Variants in TMEM163 observed in about 807,000 individuals in gnomAD.
TMEM163 encodes transmembrane protein 163.
A neutral mutation model predicts 29.3 loss-of-function variants in TMEM163; 17 were observed. The ratio of observed to expected loss-of-function variants is 0.58; its 90% CI spans 0.40 to 0.87. The LOEUF is 0.87. Ranked by LOEUF, TMEM163 falls within the 40% of genes least tolerant of loss-of-function variation. The pLI, the probability that TMEM163 is intolerant of heterozygous loss-of-function variation, is 0.00. For missense variants in TMEM163, 303 were observed against 381.5 expected (o/e 0.79, Z 1.71); for synonymous variants, 157 against 160.6 (o/e 0.98, Z 0.17).
chr2:134,610,848 G>C (rs1187047510), intron 2 of TMEM163, among the ~76,000 whole-genome samples: 1 of 152,150 alleles, frequency 6.6e-6, no homozygotes. Flanking sequence ...ATGTGAGTGT[G>C]GGGGTAGAGC....
chr2:134,618,638 T>A (rs1682663585), intron 2 of TMEM163, among the ~76,000 whole-genome samples: 1 of 151,972 alleles, frequency 6.6e-6, no homozygotes, highest in African/African-American at 2.4e-5. Flanking sequence ...AAAACAAGTC[T>A]CAATAAATTT....
intron 1 of TMEM163, among the ~76,000 whole-genome samples, chr2:134,717,931 G>A (rs1395996095): frequency 1.3e-5 from 2 of 152,224 alleles, no homozygotes; most frequent in Non-Finnish European, 2.9e-5. Flanking sequence ...ACTCAAGGGG[G>A]CATCGGCAGT....
intron 5 of TMEM163, among the ~76,000 whole-genome samples, chr2:134,480,856 G>T (rs967088718): frequency 2.6e-5 from 4 of 152,128 alleles, no homozygotes; most frequent in African/African-American, 4.8e-5. Flanking sequence ...CTTTTTTATT[G>T]AGGTGTAATT....
At chr2:134,539,180 T>G (rs1167120781) in intron 4 of TMEM163, among the ~76,000 whole-genome samples, 1 of 152,144 alleles carries the variant, frequency 6.6e-6, no homozygotes, top group East Asian at 1.9e-4. Flanking sequence ...ACTCAAGGAT[T>G]TATTTAAATG....
intron 4 of TMEM163, among the ~76,000 whole-genome samples, chr2:134,517,908 T>G (rs964327610): frequency 6.6e-6 from 1 of 152,128 alleles, no homozygotes; most frequent in Admixed American, 6.6e-5. Flanking sequence ...GATCTGCAAA[T>G]TGTGGGCTTC....
At chr2:134,635,333 C>T (rs1335206283) in intron 2 of TMEM163, among the ~76,000 whole-genome samples, 2 of 152,088 alleles carry the variant, frequency 1.3e-5, no homozygotes, top group Admixed American at 6.5e-5. Flanking sequence ...CCTGAGCCAC[C>T]CCCTCAGACT....
chr2:134,703,151 G>C (rs772427193), intron 2 of TMEM163, among the ~76,000 whole-genome samples: 2 of 152,130 alleles, frequency 1.3e-5, no homozygotes, highest in Non-Finnish European at 2.9e-5. Context: ...GTAAGCCAGA[G>C]AAGAGAAAAA....
At chr2:134,575,342 G>A (rs1389664006) in intron 2 of TMEM163, among the ~76,000 whole-genome samples, 1 of 152,080 alleles carries the variant, frequency 6.6e-6, no homozygotes, top group East Asian at 1.9e-4. Context: ...CCCACCCCCA[G>A]TGCCCACCAT....
chr2:134,623,951 C>G (rs1355814516), intron 2 of TMEM163, among the ~76,000 whole-genome samples: 1 of 152,156 alleles, frequency 6.6e-6, no homozygotes, highest in Non-Finnish European at 1.5e-5. Flanking sequence ...CATGTAAGAT[C>G]ATTGATGAGT....
chr2:134,579,403 T>G (rs1681639408), intron 2 of TMEM163, among the ~76,000 whole-genome samples: 1 of 152,226 alleles, frequency 6.6e-6, no homozygotes, highest in Admixed American at 6.5e-5. Flanking sequence ...CATAATGTTT[T>G]AGGATGATTC....
At chr2:134,686,740 T>C (rs1055096093) in intron 2 of TMEM163, among the ~76,000 whole-genome samples, 3 of 152,254 alleles carry the variant, frequency 2.0e-5, no homozygotes, top group Admixed American at 6.5e-5. Context: ...TCAGAGATTT[T>C]ACCCTACTTG....
At chr2:134,578,905 C>T (rs997964687) in intron 2 of TMEM163, among the ~76,000 whole-genome samples, 6 of 152,146 alleles carry the variant, frequency 3.9e-5, no homozygotes, top group Non-Finnish European at 8.8e-5. Flanking sequence ...AGATTCCCTC[C>T]ACCCCAAATT....
intron 1 of TMEM163, among the ~76,000 whole-genome samples, chr2:134,714,439 A>C (rs1379992217): frequency 6.6e-6 from 1 of 152,168 alleles, no homozygotes; most frequent in Non-Finnish European, 1.5e-5. Flanking sequence ...CATCACATAA[A>C]AGACACCATC....
intron 2 of TMEM163, among the ~76,000 whole-genome samples, chr2:134,704,346 T>C (rs542743772): frequency 5.6e-4 from 86 of 152,266 alleles, no homozygotes; most frequent in African/African-American, 2.0e-3. Context: ...GCTGCATCCC[T>C]TTCCCAGAAT....
At chr2:134,502,824 G>A (rs1168892292) in intron 5 of TMEM163, 77 bp downstream of exon 5, 5 of 1,318,854 alleles carry the variant, frequency 3.8e-6, no homozygotes, top group East Asian at 2.4e-5. Flanking sequence ...GACTCCACCC[G>A]GGAACCCTGC....
At chr2:134,683,349 A>C (rs191065498) in intron 2 of TMEM163, among the ~76,000 whole-genome samples, 6 of 152,126 alleles carry the variant, frequency 3.9e-5, no homozygotes, top group East Asian at 1.9e-4. Context: ...TTATGGGGGC[A>C]GAGTATATGG....
rs565857886 is a variant in TMEM163 at position 134,662,000 on chromosome 2, A to AGGC, written c.322+51197_322+51199dup. Among the ~76,000 whole-genome samples, 373 of 132,778 alleles carry AGGC rather than the reference A, an allele frequency of 2.8e-3. 2 individuals carry two copies. Among genetic ancestry groups the AGGC allele is most frequent in the South Asian group, 0.014 (64 of 4,414 alleles). 87.1% of individuals were successfully genotyped at this position (132,778 alleles called of 152,430 possible). On this transcript the variant is annotated intron_variant, in intron 2 of 7. Transcript: ENST00000281924. ...AGGCTGGAGTGCAGTGGCGCAATCT[A>AGGC]GGCTCACTGTAAGCTCCACCTCCCG... is the stretch of plus-strand genomic sequence containing the variant.
chr2:134,495,119 A>T (rs1679520629), intron 5 of TMEM163, among the ~76,000 whole-genome samples: 1 of 152,258 alleles, frequency 6.6e-6, no homozygotes, highest in African/African-American at 2.4e-5. Context: ...GGCAAAGGAA[A>T]GGATGAGTGT....
chr2:134,477,837 C>G (rs1686954683), intron 5 of TMEM163, among the ~76,000 whole-genome samples: 1 of 152,174 alleles, frequency 6.6e-6, no homozygotes, highest in Non-Finnish European at 1.5e-5. Flanking sequence ...AGTGGTGAAG[C>G]TGTACAAGAT....
Sources: gnomAD v4.1 joint callset for allele counts (sites outside exome capture counted in the v4.1 genomes callset) on GRCh38, gnomAD v4.1.1 for gene constraint, MANE v1.5 for transcripts, NCBI Gene and HGNC (gene_info 2026-07-23, HGNC 2026-07-21) for gene names.